Variants in PHACTR2 observed in about 807,000 individuals in gnomAD.
PHACTR2 encodes chromosome 6 open reading frame 56.
Under a neutral mutation model 76.0 loss-of-function variants are expected in PHACTR2, and 30 were observed. The observed-to-expected ratio is 0.39, with a 90% CI of 0.30 to 0.54. The LOEUF is 0.54. PHACTR2 is among the 20% of genes least tolerant of loss of function. The pLI is 0.61. For synonymous variants in PHACTR2, 292 were observed against 292.5 expected (o/e 1.00, Z 0.02); for missense variants, 696 against 781.1 (o/e 0.89, Z 1.30).
At chr6:143,614,420 T>A (rs949845512) in intron 1 of PHACTR2, among the ~76,000 whole-genome samples, 1 of 152,202 alleles carries the variant, frequency 6.6e-6, no homozygotes, top group Non-Finnish European at 1.5e-5. Context: ...CAGTTTCACT[T>A]TCCATTTTTA....
intron 12 of PHACTR2, among the ~76,000 whole-genome samples, chr6:143,815,267 C>T (rs1220235505): frequency 6.6e-6 from 1 of 152,082 alleles, no homozygotes; most frequent in Non-Finnish European, 1.5e-5. Context: ...TCAGGTAGAA[C>T]AAGGAGCTGT....
intron 1 of PHACTR2, among the ~76,000 whole-genome samples, chr6:143,704,892 G>T (rs9496744): frequency 6.6e-6 from 1 of 151,250 alleles, no homozygotes. Context: ...GCAGTGGCGC[G>T]ATCTCGGCTC....
chr6:143,539,529 G>A lies in PHACTR2; in HGVS notation c.217+2322G>A, dbSNP rs549172492. On this transcript the variant is annotated intron_variant, in intron 1 of 11. Coordinates refer to the PHACTR2 transcript ENST00000367584. This position sits in a 1 kb window ranked among gnomAD's most constrained non-coding sequence, Gnocchi z 4.3. The stretch of plus-strand genomic sequence containing the variant: ...GGATCTGAGAATCAGCAAGATGACT[G>A]TGCTGGGATCTCTGAATTATCTCAG... Among the ~76,000 whole-genome samples, 1 of 152,320 alleles carries A rather than the reference G, an allele frequency of 6.6e-6. No homozygotes were observed. The highest frequency in any genetic ancestry group is 2.1e-4 in the South Asian group (1 of 4,822).
At chr6:143,606,945 C>T (rs1775883997), upstream of PHACTR2, among the ~76,000 whole-genome samples, 1 of 152,106 alleles carries the variant, frequency 6.6e-6, no homozygotes. Context: ...CTGACGTAAA[C>T]AAAGTGTTTT....
intron 1 of PHACTR2, among the ~76,000 whole-genome samples, chr6:143,590,838 G>A (rs1775681681): frequency 6.6e-6 from 1 of 152,016 alleles, no homozygotes. Flanking sequence ...CCTTCCTGTG[G>A]ATGGTTAATT....
rs1254508581 is a variant in PHACTR2 at position 143,754,650 on chromosome 6, A to T, written c.454+738A>T. Among the ~76,000 whole-genome samples, 2 of 152,200 alleles carry T rather than the reference A, an allele frequency of 1.3e-5. No homozygotes were observed. Among genetic ancestry groups the T allele is most frequent in the Non-Finnish European group, 2.9e-5 (2 of 68,024 alleles). The stretch of plus-strand genomic sequence containing the variant: ...AACATTCACAAATTCCTAGTTATGG[A>T]TTGATGACATCTCGATACCACTGCT... On this transcript the variant is annotated intron_variant, in intron 4 of 12. Coordinates refer to ENST00000440869, the MANE Select transcript of PHACTR2 (RefSeq NM_001100164.2). This position sits in a 1 kb window ranked among gnomAD's most constrained non-coding sequence, Gnocchi z 6.2.
rs1452349155 is a variant in PHACTR2, at chr6:143,571,394, A to T, written c.217+34187A>T. On this transcript the variant is annotated intron_variant, in intron 1 of 11. Transcript: ENST00000367584. This position sits in a 1 kb window ranked among gnomAD's most constrained non-coding sequence, Gnocchi z 4.6. ...CTCATGGATATTTCCTTTATCCTAT[A>T]ATCCATTACTATCTACTTTATTTCT... Among the ~76,000 whole-genome samples the T allele has an allele frequency of 6.6e-6, 1 of 152,056 alleles. No homozygotes were observed. The highest frequency in any genetic ancestry group is 1.5e-5 in the Non-Finnish European group (1 of 67,996).
chr6:143,612,164 T>A (rs9496702), intron 1 of PHACTR2, among the ~76,000 whole-genome samples: 1 of 152,270 alleles, frequency 6.6e-6, no homozygotes, highest in Admixed American at 6.5e-5. Context: ...TGTGGGAGAT[T>A]CTATGGGATG....
intron 1 of PHACTR2, among the ~76,000 whole-genome samples, chr6:143,568,367 G>T (rs1775392910): frequency 6.6e-6 from 1 of 152,178 alleles, no homozygotes; most frequent in Non-Finnish European, 1.5e-5. Context: ...CAAAAATAAG[G>T]TGTTAATGTC....
At position 143,818,369 on chromosome 6, in the gene PHACTR2, G is replaced by A. The variant is rs921972349; in HGVS notation, c.1923-5305G>A. 2.0e-5 allele frequency among the ~76,000 whole-genome samples: 3 copies of A among 152,158 alleles called. No individual in the cohort carries two copies. Among genetic ancestry groups the A allele is most frequent in the Non-Finnish European group, 2.9e-5 (2 of 68,038 alleles). The stretch of plus-strand genomic sequence containing the variant: ...CTCTCTGCCTTGGGCAAATGAGTTA[G>A]CATCCCCATGCCTCAGTTTCCACAT... On this transcript the variant is annotated intron_variant, in intron 12 of 12. Coordinates refer to ENST00000440869, the MANE Select transcript of PHACTR2 (RefSeq NM_001100164.2). The surrounding 1 kb of genome is among the most constrained non-coding windows in gnomAD (Gnocchi z 4.9).
intron 9 of PHACTR2, among the ~76,000 whole-genome samples, chr6:143,778,601 C>T (rs1376990269): frequency 6.6e-6 from 1 of 151,844 alleles, no homozygotes; most frequent in African/African-American, 2.4e-5. Flanking sequence ...TGTGTTTTTG[C>T]TTTGCTGAGG....
chr6:143,576,712 A>G (rs1775517211), intron 1 of PHACTR2, among the ~76,000 whole-genome samples: 1 of 152,026 alleles, frequency 6.6e-6, no homozygotes, highest in Non-Finnish European at 1.5e-5. Flanking sequence ...CCCCATCTCT[A>G]CTAAAAATAC....
intron 6 of PHACTR2, among the ~76,000 whole-genome samples, chr6:143,771,174 G>T (rs9403530): frequency 1.5e-5 from 1 of 68,880 alleles, no homozygotes; most frequent in Non-Finnish European, 2.7e-5. Flanking sequence ...ATATATATAT[G>T]TATATATATA....
chr6:143,814,709 TCTC>T (rs905785536), intron 12 of PHACTR2, among the ~76,000 whole-genome samples: 5 of 151,050 alleles, frequency 3.3e-5, no homozygotes, highest in African/African-American at 9.7e-5. Context: ...TTCACGCCAT[TCTC>T]CTGCCTCAGC....
At chr6:143,540,172 G>C (rs1000605849) in intron 1 of PHACTR2, among the ~76,000 whole-genome samples, 1 of 152,186 alleles carries the variant, frequency 6.6e-6, no homozygotes, top group African/African-American at 2.4e-5. Flanking sequence ...ATTCCAGCTA[G>C]TTGTCAGATG....
rs797018969 is a variant in PHACTR2, at chr6:143,754,329, G to T, written c.454+417G>T. 3.9e-5 allele frequency among the ~76,000 whole-genome samples: 6 copies of T among 152,298 alleles called. No homozygotes were observed. The highest frequency in any genetic ancestry group is 1.4e-4 in the African/African-American group (6 of 41,564). The stretch of plus-strand genomic sequence containing the variant: ...AGGAATATCAAAACCCACATGGCTT[G>T]TTCAGCCCAGCACTGTCTCCAGCAG... On this transcript the variant is annotated intron_variant, in intron 4 of 12. Transcript: ENST00000440869. This position sits in a 1 kb window ranked among gnomAD's most constrained non-coding sequence, Gnocchi z 6.2.
At chr6:143,749,499 AC>A (rs950858893) in intron 3 of PHACTR2, among the ~76,000 whole-genome samples, 2 of 152,184 alleles carry the variant, frequency 1.3e-5, no homozygotes, top group African/African-American at 4.8e-5. Context: ...AGGCACACAT[AC>A]CTCTTGTCCT....
intron 1 of PHACTR2, among the ~76,000 whole-genome samples, chr6:143,650,213 T>A (rs192975497): frequency 6.6e-6 from 1 of 152,298 alleles, no homozygotes; most frequent in African/African-American, 2.4e-5. Flanking sequence ...TGGAAGAACA[T>A]TCCATGCTCA....
In PHACTR2 at chr6:143,678,328, C is replaced by A; in HGVS notation, c.46+119C>A. 1 of 900,074 alleles carries A rather than the reference C, an allele frequency of 1.1e-6. No homozygotes were observed. 55.8% of individuals were successfully genotyped at this position (900,074 alleles called of 1,614,324 possible). ...TTCCGCTCGGACCCGCCAAGTCCCTCGGAGAAACCCCAGAGGTAGCGCTCG... is the reference window on the plus strand; with the variant it reads ...TTCCGCTCGGACCCGCCAAGTCCCTAGGAGAAACCCCAGAGGTAGCGCTCG... On this transcript the variant is annotated intron_variant, in intron 1 of 12. Coordinates refer to ENST00000440869, the MANE Select transcript of PHACTR2 (RefSeq NM_001100164.2). The surrounding 1 kb of genome is among the most constrained non-coding windows in gnomAD (Gnocchi z 6.2).
Sources: allele counts gnomAD v4.1 joint callset (sites outside exome capture counted in the v4.1 genomes callset), GRCh38; gene constraint gnomAD v4.1.1; non-coding constraint Gnocchi (gnomAD v3.1); transcripts MANE v1.5; gene names NCBI Gene and HGNC (gene_info 2026-07-23, HGNC 2026-07-21).